Variants in LRRC28 observed in about 807,000 individuals in gnomAD.
The protein encoded by LRRC28 is leucine-rich repeat-containing protein 28.
A neutral mutation model predicts 45.7 loss-of-function variants in LRRC28; 39 were observed. The observed-to-expected ratio is 0.85, with a 90% CI of 0.66 to 1.12. LRRC28 has a LOEUF of 1.12. LRRC28 is among the 50% of genes most tolerant of loss of function. The pLI is 0.00. For synonymous variants in LRRC28, 206 were observed against 178.8 expected (o/e 1.15, Z -1.22); for missense variants, 435 against 438.5 (o/e 0.99, Z 0.07).
intron 1 of LRRC28, among the ~76,000 whole-genome samples, chr15:99,252,985 G>C (rs971664879): frequency 6.6e-6 from 1 of 152,172 alleles, no homozygotes; most frequent in African/African-American, 2.4e-5. Context: ...TTATTTACAG[G>C]CTTTTTGGCT....
At chr15:99,280,681 CTTG>C (rs1440833340) in intron 3 of LRRC28, among the ~76,000 whole-genome samples, 3 of 151,980 alleles carry the variant, frequency 2.0e-5, no homozygotes, top group South Asian at 2.1e-4. Flanking sequence ...TTAGGTGTAT[CTTG>C]TTGTAGTTTT....
chr15:99,387,611 C>G lies in LRRC28; in HGVS notation c.*1509C>G, dbSNP rs1170711261. 6.6e-6 allele frequency: 1 copy of G among 152,192 alleles called. No homozygotes were observed. The highest frequency in any genetic ancestry group is 1.5e-5 in the Non-Finnish European group (1 of 68,042). 9.4% of individuals were successfully genotyped at this position (152,192 alleles called of 1,614,324 possible). The stretch of plus-strand genomic sequence containing the variant: ...TCTTCATGAAGAAGTCACGTATTTG[C>G]TCTTCCTTTCAAAGGATGGCATTTT... On this transcript the variant is annotated 3_prime_UTR_variant, in exon 10 of 10. Transcript: ENST00000301981.
intron 9 of LRRC28, among the ~76,000 whole-genome samples, chr15:99,364,120 C>T (rs1957280344): frequency 6.6e-6 from 1 of 152,156 alleles, no homozygotes; most frequent in South Asian, 2.1e-4. Flanking sequence ...GTTTCTTAGT[C>T]CATGCAAGAT....
intron 2 of LRRC28, chr15:99,258,169 A>G: frequency 1.2e-6 from 2 of 1,612,554 alleles, no homozygotes; most frequent in Non-Finnish European, 8.5e-7. Context: ...AAGCACAGGA[A>G]GATGGCCAGT....
chr15:99,256,794 A>G (rs1471000285), intron 2 of LRRC28, among the ~76,000 whole-genome samples: 2 of 152,232 alleles, frequency 1.3e-5, no homozygotes, highest in Non-Finnish European at 2.9e-5. Context: ...GATAAACTAA[A>G]AGTTTTTCAA....
chr15:99,340,904 G>T (rs574825655), intron 6 of LRRC28, among the ~76,000 whole-genome samples: 183 of 152,164 alleles, frequency 1.2e-3, no homozygotes, highest in Middle Eastern at 3.4e-3. Flanking sequence ...GAATTAGTCA[G>T]TTAACAAAAA....
rs1208313575 is a variant in LRRC28 at position 99,388,348 on chromosome 15, T to C, written c.*2246T>C. The C allele has an allele frequency of 6.6e-6, 1 of 152,234 alleles. No homozygotes were observed. The highest frequency in any genetic ancestry group is 2.4e-5 in the African/African-American group (1 of 41,460). 9.4% of individuals were successfully genotyped at this position (152,234 alleles called of 1,614,324 possible). ...TCATTGTGATAAGGTGATACATTAG[T>C]TTTACCTTGTTTGAAATTTTACAAA... On this transcript the variant is annotated 3_prime_UTR_variant, in exon 10 of 10. Coordinates refer to ENST00000301981, the MANE Select transcript of LRRC28 (RefSeq NM_144598.5).
intron 2 of LRRC28, chr15:99,259,209 A>G (rs751751436): frequency 1.3e-5 from 14 of 1,088,090 alleles, no homozygotes; most frequent in Non-Finnish European, 2.0e-5. Flanking sequence ...GAAAGAATGA[A>G]GGAAAAACAA....
intron 7 of LRRC28, among the ~76,000 whole-genome samples, chr15:99,359,175 A>G (rs140002080): frequency 1.4e-3 from 207 of 152,320 alleles, no homozygotes; most frequent in African/African-American, 4.1e-3. Context: ...CTCTTAAGAA[A>G]TTCAGAAAAA....
chr15:99,382,998 T>C (rs1957875082), intron 9 of LRRC28, among the ~76,000 whole-genome samples: 1 of 152,142 alleles, frequency 6.6e-6, no homozygotes, highest in African/African-American at 2.4e-5. Flanking sequence ...TTTCACCCAT[T>C]TAAAGTATAC....
chr15:99,351,079 C>A (rs991972057), intron 6 of LRRC28, among the ~76,000 whole-genome samples: 1 of 152,140 alleles, frequency 6.6e-6, no homozygotes, highest in Non-Finnish European at 1.5e-5. Flanking sequence ...GGATTACAGG[C>A]ATAAGCACCA....
In LRRC28 at chr15:99,259,659, A is replaced by C. The variant is rs142716536; in HGVS notation, c.168+3534A>C. On this transcript the variant is annotated intron_variant, in intron 2 of 9. Coordinates refer to ENST00000301981, the MANE Select transcript of LRRC28 (RefSeq NM_144598.5). ...TCTACAAATTACCATGCGAGTCGGA[A>C]GAAAACATTTGAAATTAATCCCAGA... The C allele has an allele frequency of 3.4e-4, 475 of 1,410,716 alleles. 1 individual carries two copies. In the African/African-American group the frequency reaches 6.3e-3, roughly 19 times the overall value. 87.4% of individuals were successfully genotyped at this position (1,410,716 alleles called of 1,614,324 possible). A position where few individuals can be genotyped will look rare whatever the true frequency, so the allele number is the denominator to read the frequency against.
intron 7 of LRRC28, among the ~76,000 whole-genome samples, chr15:99,356,313 A>G (rs1567693007): frequency 6.6e-6 from 1 of 152,190 alleles, no homozygotes; most frequent in South Asian, 2.1e-4. Flanking sequence ...AACTGTTACA[A>G]TTATTCTCAA....
rs910804514 is a variant in LRRC28 at position 99,390,294 on chromosome 15, T to C, written c.*4192T>C. 2 of 152,234 alleles carry C rather than the reference T, an allele frequency of 1.3e-5. No homozygotes were observed. Among genetic ancestry groups the C allele is most frequent in the Non-Finnish European group, 2.9e-5 (2 of 68,030 alleles). 9.4% of individuals were successfully genotyped at this position (152,234 alleles called of 1,614,324 possible). On this transcript the variant is annotated 3_prime_UTR_variant, in exon 10 of 10. Coordinates refer to ENST00000301981, the MANE Select transcript of LRRC28 (RefSeq NM_144598.5). ...TGCTTCACAGCCTTTGAAGTATGAC[T>C]GTATGTGTGGTCCCCTTGTACTTTG... is the stretch of plus-strand genomic sequence containing the variant.
At chr15:99,325,438 G>A (rs1284034765) in intron 5 of LRRC28, among the ~76,000 whole-genome samples, 2 of 151,826 alleles carry the variant, frequency 1.3e-5, no homozygotes, top group Admixed American at 6.6e-5. Flanking sequence ...TTTGCCTTCC[G>A]GCCTTTGCTA....
intron 2 of LRRC28, among the ~76,000 whole-genome samples, chr15:99,263,059 T>G (rs1018247818): frequency 1.3e-5 from 2 of 151,324 alleles, no homozygotes; most frequent in African/African-American, 4.9e-5. Flanking sequence ...CCTATAATCC[T>G]AGCACTTTGG....
intron 5 of LRRC28, among the ~76,000 whole-genome samples, chr15:99,314,993 T>C (rs1955543882): frequency 6.6e-6 from 1 of 152,188 alleles, no homozygotes. Flanking sequence ...AAATCTTGGA[T>C]TTTATTTACA....
chr15:99,267,279 G>A (rs756268245), intron 2 of LRRC28, among the ~76,000 whole-genome samples: 33 of 152,286 alleles, frequency 2.2e-4, no homozygotes, highest in South Asian at 1.0e-3. Context: ...CCCCCTCCTT[G>A]AATTTGGTAG....
At chr15:99,369,895 C>G (rs1328969567) in intron 9 of LRRC28, among the ~76,000 whole-genome samples, 1 of 152,198 alleles carries the variant, frequency 6.6e-6, no homozygotes, top group African/African-American at 2.4e-5. Context: ...AGAGTGCATT[C>G]AGGCTTTATT....
Sources: allele counts gnomAD v4.1 joint callset (sites outside exome capture counted in the v4.1 genomes callset), GRCh38; gene constraint gnomAD v4.1.1; transcripts MANE v1.5; gene names NCBI Gene and HGNC (gene_info 2026-07-23, HGNC 2026-07-21).